The following DDX10 variants were observed in gnomAD, a reference collection of about 807,000 sequenced individuals.
The protein encoded by DDX10 is DEAD-box helicase 10.
DDX10 carries 74 observed loss-of-function variants against 104.3 expected under a neutral mutation model. The ratio of observed to expected loss-of-function variants is 0.71; its 90% CI spans 0.59 to 0.86. The LOEUF (loss-of-function observed/expected upper bound fraction) is 0.86. Among genes scored for constraint, DDX10 ranks in the 40% least tolerant of loss-of-function variants. The pLI is 0.00. For missense variants in DDX10, 952 were observed against 1,040.0 expected (o/e 0.92, Z 1.16); for synonymous variants, 351 against 353.4 (o/e 0.99, Z 0.08).
chr11:108,842,411 T>G (rs1455271379), intron 15 of DDX10, among the ~76,000 whole-genome samples: 1 of 152,208 alleles, frequency 6.6e-6, no homozygotes, highest in Admixed American at 6.5e-5. Context: ...TGAACATTGT[T>G]AAGTACATTC....
intron 6 of DDX10, among the ~76,000 whole-genome samples, chr11:108,683,763 A>G (rs753191947): frequency 6.6e-6 from 1 of 152,200 alleles, no homozygotes; most frequent in Non-Finnish European, 1.5e-5. Flanking sequence ...CACATGAACT[A>G]TGTGATTCTG....
intron 13 of DDX10, among the ~76,000 whole-genome samples, chr11:108,829,473 T>C (rs1471466110): frequency 6.6e-6 from 1 of 152,232 alleles, no homozygotes; most frequent in Non-Finnish European, 1.5e-5. Flanking sequence ...TTGAATTCTT[T>C]GTAGATTCTG....
At chr11:108,911,504 A>T (rs1052998151) in intron 16 of DDX10, among the ~76,000 whole-genome samples, 1 of 147,842 alleles carries the variant, frequency 6.8e-6, no homozygotes, top group Non-Finnish European at 1.5e-5. Flanking sequence ...TCTCATTCAG[A>T]TAGGCTCTAC....
intron 16 of DDX10, among the ~76,000 whole-genome samples, chr11:108,862,258 A>G (rs1452814515): frequency 6.6e-6 from 1 of 152,188 alleles, no homozygotes; most frequent in African/African-American, 2.4e-5. Flanking sequence ...TTCTGGCACC[A>G]AGTGATCCTC....
chr11:108,784,121 CAT>C (rs1861752370), intron 13 of DDX10, among the ~76,000 whole-genome samples: 1 of 152,108 alleles, frequency 6.6e-6, no homozygotes, highest in African/African-American at 2.4e-5. Context: ...TATACAAGTA[CAT>C]ATATGTTTTT....
chr11:108,676,391 A>G (rs1260756810), intron 3 of DDX10, among the ~76,000 whole-genome samples: 3 of 152,178 alleles, frequency 2.0e-5, no homozygotes, highest in East Asian at 1.9e-4. Context: ...CCCTATAGCT[A>G]GATAATTCAG....
intron 13 of DDX10, among the ~76,000 whole-genome samples, chr11:108,789,407 G>A (rs1448525044): frequency 2.0e-5 from 3 of 152,178 alleles, no homozygotes; most frequent in Admixed American, 1.3e-4. Context: ...TGAAAGATGT[G>A]TGCATAAGAT....
chr11:108,677,399 C>T (rs1008329263), intron 4 of DDX10, among the ~76,000 whole-genome samples, 156 bp downstream of exon 4: 9 of 151,954 alleles, frequency 5.9e-5, no homozygotes, highest in Non-Finnish European at 7.4e-5. Context: ...CTGCTATCTA[C>T]GATCTGGTTG....
chr11:108,881,751 T>C (rs1863230010), intron 16 of DDX10, among the ~76,000 whole-genome samples: 1 of 152,166 alleles, frequency 6.6e-6, no homozygotes, highest in African/African-American at 2.4e-5. Context: ...GTAGGTTAGA[T>C]GTGTTAAATG....
At chr11:108,854,937 T>C (rs956529650) in intron 16 of DDX10, among the ~76,000 whole-genome samples, 2 of 148,770 alleles carry the variant, frequency 1.3e-5, no homozygotes, top group African/African-American at 2.5e-5. Flanking sequence ...GAATCTGATA[T>C]GACTTTTTGT....
chr11:108,721,790 C>T (rs2094298719), intron 12 of DDX10, among the ~76,000 whole-genome samples: 1 of 152,092 alleles, frequency 6.6e-6, no homozygotes, highest in African/African-American at 2.4e-5. Flanking sequence ...CTAATATGTG[C>T]AGGTCATTGT....
intron 13 of DDX10, 40 bp from the exon 14 acceptor site, chr11:108,838,405 AT>A (rs1210492419): frequency 2.0e-5 from 32 of 1,586,334 alleles, no homozygotes; most frequent in Non-Finnish European, 2.7e-5. Context: ...TAAAGCAACC[AT>A]TTTCCTAATC....
chr11:108,806,257 C>G lies in DDX10; in HGVS notation c.1966-32189C>G, dbSNP rs532199835. Among the ~76,000 whole-genome samples, 11 of 152,338 alleles carry G rather than the reference C, an allele frequency of 7.2e-5. No homozygotes were observed. The South Asian group carries it at 2.3e-3, about 32-fold the overall frequency. Reference sequence around the variant, plus strand: ...GGATTATAGGCGTGAGCCACCGTGCCTGGCCTAAACTTTTCTATTAAGAGC... The same window carrying G: ...GGATTATAGGCGTGAGCCACCGTGCGTGGCCTAAACTTTTCTATTAAGAGC... On this transcript the variant is annotated intron_variant, in intron 13 of 17. Coordinates refer to ENST00000322536, the MANE Select transcript of DDX10 (RefSeq NM_004398.4).
At chr11:108,764,360 C>T (rs2094354056) in intron 13 of DDX10, among the ~76,000 whole-genome samples, 1 of 152,104 alleles carries the variant, frequency 6.6e-6, no homozygotes, top group African/African-American at 2.4e-5. Context: ...CTCTCCAAGG[C>T]ACAACACTTC....
chr11:108,787,797 G>A (rs553072014), intron 13 of DDX10, among the ~76,000 whole-genome samples: 1 of 152,208 alleles, frequency 6.6e-6, no homozygotes, highest in East Asian at 1.9e-4. Context: ...GGGCGTGGTG[G>A]TGCATGCCTG....
intron 16 of DDX10, among the ~76,000 whole-genome samples, chr11:108,888,558 A>C (rs921211737): frequency 6.6e-6 from 1 of 152,078 alleles, no homozygotes; most frequent in Non-Finnish European, 1.5e-5. Flanking sequence ...TCCCTGCCTA[A>C]CTTCTCTGCG....
intron 17 of DDX10, among the ~76,000 whole-genome samples, chr11:108,934,378 C>T (rs1864011234): frequency 6.6e-6 from 1 of 152,158 alleles, no homozygotes; most frequent in Admixed American, 6.5e-5. Context: ...CAGGTAGAAA[C>T]ATCCAGGAGC....
intron 16 of DDX10, among the ~76,000 whole-genome samples, chr11:108,889,889 G>T (rs1163835840): frequency 6.6e-6 from 1 of 152,136 alleles, no homozygotes; most frequent in African/African-American, 2.4e-5. Flanking sequence ...TAAAGAAAAT[G>T]CAATGCAACA....
intron 16 of DDX10, among the ~76,000 whole-genome samples, chr11:108,906,135 CT>C (rs1863593965): frequency 6.6e-6 from 1 of 152,088 alleles, no homozygotes; most frequent in South Asian, 2.1e-4. Context: ...AAACTATTTA[CT>C]ATTAATACCT....
Sources: allele counts gnomAD v4.1 joint callset (sites outside exome capture counted in the v4.1 genomes callset), GRCh38; gene constraint gnomAD v4.1.1; transcripts MANE v1.5; gene names NCBI Gene and HGNC (gene_info 2026-07-23, HGNC 2026-07-21).